The following RANBP17 variants were observed in gnomAD, a reference collection of about 807,000 sequenced individuals.
RANBP17 encodes RAN binding protein 17.
In RANBP17, 158 loss-of-function variants were observed where a neutral mutation model predicts 141.2. The ratio of observed to expected loss-of-function variants is 1.12; its 90% CI spans 0.98 to 1.28. The LOEUF (loss-of-function observed/expected upper bound fraction) is 1.28, where lower values mean the gene tolerates loss of function less well. RANBP17 is among the 50% of genes most tolerant of loss of function. The pLI, the probability that RANBP17 is intolerant of heterozygous loss-of-function variation, is 0.00. For missense variants in RANBP17, 1,438 were observed against 1,290.7 expected, an observed-to-expected ratio of 1.11 and a Z score of -1.75; for synonymous variants, 430 against 450.0, an observed-to-expected ratio of 0.96 and a Z score of 0.56.
intron 12 of RANBP17, among the ~76,000 whole-genome samples, chr5:170,930,715 C>A (rs1283902497): frequency 6.6e-6 from 1 of 152,126 alleles, no homozygotes; most frequent in East Asian, 1.9e-4. Flanking sequence ...CCAGCTTCAT[C>A]CATGTCCCTA....
intron 14 of RANBP17, among the ~76,000 whole-genome samples, chr5:171,015,714 T>C (rs1581402796): frequency 6.6e-6 from 1 of 152,124 alleles, no homozygotes; most frequent in East Asian, 1.9e-4. Flanking sequence ...TTGGAAACAG[T>C]GTGTTTCTTT....
At chr5:170,881,973 GGATT>G (rs1401554622) in intron 3 of RANBP17, 77 bp downstream of exon 3, 1 of 873,876 alleles carries the variant, frequency 1.1e-6, no homozygotes, top group Non-Finnish European at 1.7e-6. Flanking sequence ...ACTGTTACTA[GGATT>G]GCAAATTTTT....
chr5:171,032,910 T>C lies in RANBP17; in HGVS notation c.1710+64533T>C, dbSNP rs79084595. Among the ~76,000 whole-genome samples the C allele has an allele frequency of 8.2e-3, 1,245 of 152,300 alleles. 16 individuals are homozygous for C. Among genetic ancestry groups the C allele is most frequent in the African/African-American group, 0.029 (1,185 of 41,564 alleles). Reference sequence around the variant, plus strand: ...GTTGAAACTTATGAGGAAAATAAACTTGGCAGTAATAGAAAACTGGAGACT... The same window carrying C: ...GTTGAAACTTATGAGGAAAATAAACCTGGCAGTAATAGAAAACTGGAGACT... On this transcript the variant is annotated intron_variant, in intron 14 of 27. Transcript: ENST00000523189.
At chr5:171,075,084 A>G (rs1218948018) in intron 14 of RANBP17, among the ~76,000 whole-genome samples, 1 of 152,208 alleles carries the variant, frequency 6.6e-6, no homozygotes, top group Admixed American at 6.5e-5. Context: ...GCAGCAGGAT[A>G]TAAATAACTC....
Position 171,295,867 on chromosome 5 carries a change from A to G in RANBP17, c.3043-20A>G, listed in dbSNP as rs1768783256. ...CGGGACTTGGAGTCGGAGCTCTGAC[A>G]CTATTCTGTCTCCCATCAGTATTTC... On this transcript the variant is annotated intron_variant, in intron 26 of 27. Coordinates refer to ENST00000523189, the MANE Select transcript of RANBP17 (RefSeq NM_022897.5). The G allele has an allele frequency of 1.9e-6, 3 of 1,610,986 alleles. No individual in the cohort carries two copies. The highest frequency in any genetic ancestry group is 2.5e-6 in the Non-Finnish European group (3 of 1,178,066).
At chr5:171,115,063 T>G (rs1422172019) in intron 14 of RANBP17, among the ~76,000 whole-genome samples, 1 of 151,948 alleles carries the variant, frequency 6.6e-6, no homozygotes, top group African/African-American at 2.4e-5. Context: ...ATTATGCCAC[T>G]GCACTCCAAC....
intron 14 of RANBP17, chr5:171,028,893 A>C: frequency 7.8e-7 from 1 of 1,287,958 alleles, no homozygotes; most frequent in Non-Finnish European, 1.0e-6. Context: ...CTTCCTGTGA[A>C]GGGCTTGTGG....
intron 1 of RANBP17, among the ~76,000 whole-genome samples, chr5:170,874,660 T>TC (rs940722902): frequency 3.3e-5 from 5 of 151,796 alleles, no homozygotes; most frequent in Admixed American, 2.0e-4. Context: ...CTGCTTTTTT[T>TC]TTTGCTTTCC....
At chr5:170,982,815 AGAG>A (rs1034516774) in intron 14 of RANBP17, among the ~76,000 whole-genome samples, 7 of 152,312 alleles carry the variant, frequency 4.6e-5, no homozygotes, top group Non-Finnish European at 7.4e-5. Flanking sequence ...GATTGGAAAA[AGAG>A]GAGATCCTTA....
In RANBP17 at chr5:171,129,349, C is replaced by T. The variant is rs544907685; in HGVS notation, c.1711-40781C>T. ...TGCAATCTGTTTCTACTACCTGACT[C>T]GGGTGATATTTCAGATAGCTAAGTT... On this transcript the variant is annotated intron_variant, in intron 14 of 27. Transcript: ENST00000523189. Among the ~76,000 whole-genome samples, 4 of 152,254 alleles carry T rather than the reference C, an allele frequency of 2.6e-5. No individual in the cohort carries two copies. The South Asian group carries it at 6.2e-4, about 24-fold the overall frequency.
At chr5:171,086,324 ATGG>A (rs1333193713) in intron 14 of RANBP17, among the ~76,000 whole-genome samples, 3 of 151,006 alleles carry the variant, frequency 2.0e-5, no homozygotes, top group Non-Finnish European at 4.4e-5. Flanking sequence ...CCACTTGATC[ATGG>A]TGGATAAGCG....
intron 14 of RANBP17, among the ~76,000 whole-genome samples, chr5:171,153,153 A>G (rs536129173): frequency 6.6e-6 from 1 of 152,338 alleles, no homozygotes; most frequent in African/African-American, 2.4e-5. Context: ...GATATTGATT[A>G]GAGTGAGATG....
chr5:170,933,261 C>T lies in RANBP17; in HGVS notation c.1468+8711C>T, dbSNP rs1013073083. Among the ~76,000 whole-genome samples the T allele has an allele frequency of 1.6e-4, 25 of 152,104 alleles. No homozygotes were observed. In the South Asian group the frequency reaches 2.5e-3, roughly 15 times the overall value. Reference sequence around the variant, plus strand: ...TTCTGTGGGATCAGTTGTGATATCCCCTTTATCATTTTTTATTGTGTCTAT... The same window carrying T: ...TTCTGTGGGATCAGTTGTGATATCCTCTTTATCATTTTTTATTGTGTCTAT... On this transcript the variant is annotated intron_variant, in intron 12 of 27. Coordinates refer to ENST00000523189, the MANE Select transcript of RANBP17 (RefSeq NM_022897.5).
chr5:171,213,668 G>C lies in RANBP17; in HGVS notation c.2269G>C (p.Glu757Gln). Residue 757 changes from glutamate to glutamine, a missense_variant, in exon 21 of 28, where the codon GAA becomes CAA. Physicochemically the swap from Glu to Gln is conservative, Grantham distance 29 (BLOSUM62 2). Coordinates refer to ENST00000523189, the MANE Select transcript of RANBP17 (RefSeq NM_022897.5). ...CCTTCCCCTTCTTCAGAATGCTGTT[G>C]AACGGTGGTATGGAGAGCCAACATG... ...TYLPLLQNAVERWYGEPTCTT... is the reference protein window; with the variant it reads ...TYLPLLQNAVQRWYGEPTCTT... The C allele has an allele frequency of 1.2e-6, 2 of 1,613,808 alleles. No homozygotes were observed. The highest frequency in any genetic ancestry group is 1.7e-6 in the Non-Finnish European group (2 of 1,179,792).
At chr5:171,012,610 G>C (rs1780133396) in intron 14 of RANBP17, among the ~76,000 whole-genome samples, 1 of 152,100 alleles carries the variant, frequency 6.6e-6, no homozygotes, top group South Asian at 2.1e-4. Context: ...AGTTAAAGTA[G>C]AAATTGTTAA....
intron 22 of RANBP17, among the ~76,000 whole-genome samples, chr5:171,228,252 A>T (rs1407094354): frequency 6.6e-6 from 1 of 152,206 alleles, no homozygotes; most frequent in East Asian, 1.9e-4. Flanking sequence ...AGGAGGTGAA[A>T]ATCAATATTT....
chr5:170,942,299 A>T (rs1774389679), intron 12 of RANBP17, among the ~76,000 whole-genome samples: 1 of 152,162 alleles, frequency 6.6e-6, no homozygotes, highest in African/African-American at 2.4e-5. Context: ...AAATCTGTAC[A>T]CAAAATGTAC....
chr5:171,158,341 G>A (rs1394150340), intron 14 of RANBP17: 1 of 185,196 alleles, frequency 5.4e-6, no homozygotes. Context: ...TAGGCCTTGC[G>A]TGGCTCCCCA....
At chr5:171,292,859 A>T (rs547038952) in intron 25 of RANBP17, among the ~76,000 whole-genome samples, 1 of 152,152 alleles carries the variant, frequency 6.6e-6, no homozygotes, top group African/African-American at 2.4e-5. Context: ...TGCAAATCAG[A>T]GCATGTCTCA....
Sources: gnomAD v4.1 joint callset for allele counts (sites outside exome capture counted in the v4.1 genomes callset) on GRCh38, gnomAD v4.1.1 for gene constraint, MANE v1.5 for transcripts, NCBI Gene and HGNC (gene_info 2026-07-23, HGNC 2026-07-21) for gene names.